The following CNTNAP5 variants were observed in gnomAD, a reference collection of about 807,000 sequenced individuals.
CNTNAP5 encodes contactin-associated protein-like 5.
A neutral mutation model predicts 150.2 loss-of-function variants in CNTNAP5; 72 were observed. That is an observed-to-expected ratio of 0.48 (90% CI 0.40 to 0.58). The LOEUF is 0.58. Among genes scored for constraint, CNTNAP5 ranks in the 20% least tolerant of loss-of-function variants. The probability of loss-of-function intolerance (pLI) is 0.00; values close to 1 mark genes in which losing one functional copy is unlikely to be tolerated. For missense variants in CNTNAP5, 1,636 were observed against 1,626.2 expected (o/e 1.01, Z -0.10); for synonymous variants, 672 against 619.8 (o/e 1.08, Z -1.25).
intron 22 of CNTNAP5, among the ~76,000 whole-genome samples, chr2:124,905,341 C>CA (rs1448665454): frequency 6.6e-6 from 1 of 151,782 alleles, no homozygotes; most frequent in Non-Finnish European, 1.5e-5. Context: ...GGTGGGAATG[C>CA]AAATTGGTAC....
chr2:124,127,392 C>T (rs1287500041), intron 1 of CNTNAP5, among the ~76,000 whole-genome samples: 2 of 151,994 alleles, frequency 1.3e-5, no homozygotes, highest in Admixed American at 6.6e-5. Flanking sequence ...ACAGACCACT[C>T]CTCAACAAAG....
chr2:124,578,793 ATAAAT>A (rs1369871634), intron 11 of CNTNAP5, among the ~76,000 whole-genome samples: 1 of 151,390 alleles, frequency 6.6e-6, no homozygotes, highest in African/African-American at 2.5e-5. Context: ...AAGTAAATAA[ATAAAT>A]AAATAAATAA....
chr2:124,540,834 C>A (rs1214908141), intron 10 of CNTNAP5, among the ~76,000 whole-genome samples: 1 of 151,934 alleles, frequency 6.6e-6, no homozygotes, highest in African/African-American at 2.4e-5. Context: ...CACATTTGAA[C>A]CAAATAATCA....
At chr2:124,403,688 G>A (rs1322500747) in intron 3 of CNTNAP5, among the ~76,000 whole-genome samples, 1 of 152,148 alleles carries the variant, frequency 6.6e-6, no homozygotes, top group Non-Finnish European at 1.5e-5. Context: ...TTACAGTCCG[G>A]GTGCCTTGCT....
intron 1 of CNTNAP5, among the ~76,000 whole-genome samples, chr2:124,214,392 T>G (rs1487850211): frequency 6.6e-6 from 1 of 152,194 alleles, no homozygotes; most frequent in Non-Finnish European, 1.5e-5. Flanking sequence ...TCCCGCAGTC[T>G]GCTCTGGCCC....
Position 124,517,878 on chromosome 2 carries a change from GTTGGTGATGGAGGGTTGTGGTA to G in CNTNAP5, c.1328-6417_1328-6396del, listed in dbSNP as rs1229672498. Among the ~76,000 whole-genome samples the G allele has an allele frequency of 1.3e-4, 20 of 151,452 alleles. No individual in the cohort carries two copies. In the East Asian group the frequency reaches 3.3e-3, roughly 25 times the overall value. ...GGTGTTGATGATGGAGGGTTGTAGT[GTTGGTGATGGAGGGTTGTGGTA>G]TTGGTGAAGAGGGGTTGTGGTGTTG... On this transcript the variant is annotated intron_variant, in intron 8 of 23. Coordinates refer to ENST00000682447, the MANE Select transcript of CNTNAP5 (RefSeq NM_001367498.1).
intron 1 of CNTNAP5, among the ~76,000 whole-genome samples, chr2:124,154,851 G>A (rs1331485277): frequency 2.0e-5 from 3 of 152,062 alleles, no homozygotes; most frequent in Non-Finnish European, 2.9e-5. Flanking sequence ...TGATATCTAG[G>A]CTCCAGTGCA....
intron 5 of CNTNAP5, among the ~76,000 whole-genome samples, chr2:124,442,327 A>G (rs573250513): frequency 6.6e-6 from 1 of 152,286 alleles, no homozygotes; most frequent in East Asian, 1.9e-4. Context: ...TACTACTAGA[A>G]GCTTTAGGAT....
At chr2:124,435,962 G>A (rs895604154) in intron 5 of CNTNAP5, among the ~76,000 whole-genome samples, 1 of 152,078 alleles carries the variant, frequency 6.6e-6, no homozygotes, top group Non-Finnish European at 1.5e-5. Context: ...AAAATTTGCT[G>A]GTAACCTCAT....
At chr2:124,625,355 A>G (rs1247969148) in intron 12 of CNTNAP5, among the ~76,000 whole-genome samples, 1 of 152,224 alleles carries the variant, frequency 6.6e-6, no homozygotes, top group Non-Finnish European at 1.5e-5. Flanking sequence ...TTTCTAAAGC[A>G]TGAGCTGGGA....
chr2:124,705,293 C>T (rs1004247022), intron 13 of CNTNAP5, among the ~76,000 whole-genome samples: 7 of 151,988 alleles, frequency 4.6e-5, no homozygotes, highest in Non-Finnish European at 7.4e-5. Flanking sequence ...TTTGGGAGGC[C>T]GAGGCAGGGG....
chr2:124,137,200 C>T (rs922533162), intron 1 of CNTNAP5, among the ~76,000 whole-genome samples: 2 of 151,914 alleles, frequency 1.3e-5, no homozygotes, highest in Admixed American at 6.6e-5. Context: ...CGTGTGTTAA[C>T]ATAGGGTGTG....
chr2:124,206,832 C>G (rs1685876959), intron 1 of CNTNAP5, among the ~76,000 whole-genome samples: 1 of 152,110 alleles, frequency 6.6e-6, no homozygotes, highest in Non-Finnish European at 1.5e-5. Context: ...CTGATACATG[C>G]AGGAATTACA....
intron 13 of CNTNAP5, among the ~76,000 whole-genome samples, chr2:124,661,031 G>A (rs576688941): frequency 3.0e-4 from 45 of 151,856 alleles, no homozygotes; most frequent in African/African-American, 9.7e-4. Flanking sequence ...ACTAAAAGTT[G>A]AAAGTTGCTC....
At chr2:124,913,151 CT>C (rs1326247074) in intron 23 of CNTNAP5, among the ~76,000 whole-genome samples, 11 of 152,020 alleles carry the variant, frequency 7.2e-5, no homozygotes, top group Admixed American at 2.0e-4. Context: ...GAAATAGACA[CT>C]TTTCCTCAAT....
intron 3 of CNTNAP5, among the ~76,000 whole-genome samples, chr2:124,280,139 GT>G (rs1424923726): frequency 6.6e-6 from 1 of 151,434 alleles, no homozygotes; most frequent in African/African-American, 2.4e-5. Context: ...CACCTTCTCT[GT>G]GATTATTTTA....
intron 13 of CNTNAP5, among the ~76,000 whole-genome samples, chr2:124,742,214 T>C (rs556328414): frequency 6.6e-6 from 1 of 152,300 alleles, no homozygotes; most frequent in African/African-American, 2.4e-5. Context: ...CTCTGCCAAA[T>C]GGGTTAAATA....
intron 1 of CNTNAP5, among the ~76,000 whole-genome samples, chr2:124,185,991 C>A (rs1685324794): frequency 1.3e-5 from 2 of 152,174 alleles, no homozygotes. Flanking sequence ...AAGATAATTG[C>A]AAAGTACGTT....
chr2:124,671,908 G>A (rs1238535051), intron 13 of CNTNAP5, among the ~76,000 whole-genome samples: 1 of 152,256 alleles, frequency 6.6e-6, no homozygotes, highest in African/African-American at 2.4e-5. Context: ...CCAAAGTGCT[G>A]TAATTACAGG....
Sources: allele counts gnomAD v4.1 joint callset (sites outside exome capture counted in the v4.1 genomes callset), GRCh38; gene constraint gnomAD v4.1.1; transcripts MANE v1.5; gene names NCBI Gene and HGNC (gene_info 2026-07-23, HGNC 2026-07-21).